Variants in SOCS5 observed in about 807,000 individuals in gnomAD.
SOCS5 encodes CIS-6.
A neutral mutation model predicts 42.8 loss-of-function variants in SOCS5; 32 were observed. The observed-to-expected ratio is 0.75, with a 90% confidence interval of 0.56 to 1.01. The LOEUF (loss-of-function observed/expected upper bound fraction) is 1.01, where lower values mean the gene tolerates loss of function less well. Among genes scored for constraint, SOCS5 ranks in the 50% least tolerant of loss-of-function variants. The pLI is 0.00. For synonymous variants in SOCS5, 283 were observed against 229.6 expected (o/e 1.23, Z -2.10); for missense variants, 627 against 653.0 (o/e 0.96, Z 0.43).
intron 1 of SOCS5, among the ~76,000 whole-genome samples, chr2:46,737,098 C>T (rs780494422): frequency 2.0e-5 from 3 of 152,120 alleles, no homozygotes; most frequent in Admixed American, 1.3e-4. Context: ...TAATTTATCA[C>T]CTCTCCCAAT....
At chr2:46,721,625 T>G (rs1482885826) in intron 1 of SOCS5, among the ~76,000 whole-genome samples, 3 of 152,186 alleles carry the variant, frequency 2.0e-5, no homozygotes, top group Non-Finnish European at 2.9e-5. Context: ...AAGAGTGAGA[T>G]AGGTCACTTA....
intron 1 of SOCS5, among the ~76,000 whole-genome samples, chr2:46,743,900 A>G (rs1483456898): frequency 6.6e-6 from 1 of 152,154 alleles, no homozygotes; most frequent in Non-Finnish European, 1.5e-5. Flanking sequence ...GAAGCATATC[A>G]GTTTTTTAAA....
At chr2:46,728,286 G>A (rs2103722981) in intron 1 of SOCS5, among the ~76,000 whole-genome samples, 1 of 152,140 alleles carries the variant, frequency 6.6e-6, no homozygotes, top group East Asian at 1.9e-4. Flanking sequence ...AGCATTCTGG[G>A]GTTTTATAGC....
At chr2:46,749,784 A>G (rs1045795405) in intron 1 of SOCS5, among the ~76,000 whole-genome samples, 12 of 152,172 alleles carry the variant, frequency 7.9e-5, no homozygotes, top group Non-Finnish European at 1.6e-4. Flanking sequence ...TGAAATGTCC[A>G]TAGTGTTTCT....
In SOCS5 at chr2:46,758,770, A is replaced by G; in HGVS notation, c.240A>G (p.Gln80=). ...SPSKNSSRRN[Q]NCATEIPQIV... is the part of the protein sequence containing the mutation. The stretch of plus-strand genomic sequence containing the variant: ...CGAAGAATTCTTCAAGGAGAAATCA[A>G]AATTGTGCCACAGAAATCCCTCAAA... The change falls in exon 2 of 2, where the codon CAA becomes CAG. Residue 80 remains glutamine, a synonymous_variant. Transcript: ENST00000394861. 1 of 1,614,240 alleles carries G rather than the reference A, an allele frequency of 6.2e-7. No individual in the cohort carries two copies. The highest frequency in any genetic ancestry group is 8.5e-7 in the Non-Finnish European group (1 of 1,180,040).
intron 1 of SOCS5, among the ~76,000 whole-genome samples, chr2:46,749,662 G>A (rs1357937322): frequency 6.6e-6 from 1 of 152,120 alleles, no homozygotes; most frequent in African/African-American, 2.4e-5. Flanking sequence ...AAAAGAATCA[G>A]AAGCCCCTCC....
At chr2:46,730,150 A>C (rs1572838374) in intron 1 of SOCS5, among the ~76,000 whole-genome samples, 1 of 152,326 alleles carries the variant, frequency 6.6e-6, no homozygotes, top group East Asian at 1.9e-4. Flanking sequence ...ACATGACTGT[A>C]TATGTAAAGA....
chr2:46,742,959 T>C (rs898506675), intron 1 of SOCS5, among the ~76,000 whole-genome samples: 1 of 152,118 alleles, frequency 6.6e-6, no homozygotes, highest in Non-Finnish European at 1.5e-5. Context: ...GTTCCACGCC[T>C]GGCCTGTTTA....
chr2:46,723,624 C>A (rs1163944247), intron 1 of SOCS5, among the ~76,000 whole-genome samples: 1 of 152,008 alleles, frequency 6.6e-6, no homozygotes, highest in East Asian at 1.9e-4. Context: ...CAGCTCTATT[C>A]TGTTTCGTGT....
chr2:46,737,140 A>G (rs1207557922), intron 1 of SOCS5, among the ~76,000 whole-genome samples: 2 of 152,252 alleles, frequency 1.3e-5, no homozygotes, highest in Non-Finnish European at 2.9e-5. Flanking sequence ...TAAGAAAGTT[A>G]TGAAGAACAT....
intron 1 of SOCS5, among the ~76,000 whole-genome samples, chr2:46,722,606 G>T (rs1354345315): frequency 6.6e-6 from 1 of 152,228 alleles, no homozygotes; most frequent in African/African-American, 2.4e-5. Flanking sequence ...GTTATTTCCA[G>T]TTTGGAGCAA....
chr2:46,702,822 A>C (rs545586530), intron 1 of SOCS5, among the ~76,000 whole-genome samples: 3 of 152,212 alleles, frequency 2.0e-5, no homozygotes, highest in Non-Finnish European at 4.4e-5. Context: ...GTTATAAGTT[A>C]TCTCAGAATC....
chr2:46,722,308 T>A (rs927910008), intron 1 of SOCS5, among the ~76,000 whole-genome samples: 3 of 131,200 alleles, frequency 2.3e-5, no homozygotes, highest in Non-Finnish European at 4.7e-5. Context: ...TTAAGACATT[T>A]TGTATACATT....
At chr2:46,729,117 A>G (rs191828908) in intron 1 of SOCS5, among the ~76,000 whole-genome samples, 2 of 152,360 alleles carry the variant, frequency 1.3e-5, no homozygotes, top group Admixed American at 6.5e-5. Flanking sequence ...CACAAGCACT[A>G]TGTGTGGTTT....
At chr2:46,711,847 C>T (rs973509080) in intron 1 of SOCS5, among the ~76,000 whole-genome samples, 1 of 152,194 alleles carries the variant, frequency 6.6e-6, no homozygotes, top group African/African-American at 2.4e-5. Context: ...GTATACTTCC[C>T]TTTCCGCATT....
At chr2:46,748,472 C>T (rs2103751997) in intron 1 of SOCS5, among the ~76,000 whole-genome samples, 1 of 152,246 alleles carries the variant, frequency 6.6e-6, no homozygotes. Context: ...TAAGCATGAG[C>T]CACTGTGTCT....
intron 1 of SOCS5, among the ~76,000 whole-genome samples, chr2:46,716,319 T>C (rs1023575166): frequency 4.0e-5 from 6 of 151,288 alleles, no homozygotes; most frequent in African/African-American, 1.5e-4. Flanking sequence ...TATTTATTTT[T>C]CATAGGCCTG....
chr2:46,716,070 G>C (rs1472991253), intron 1 of SOCS5, among the ~76,000 whole-genome samples: 4 of 145,398 alleles, frequency 2.8e-5, no homozygotes, highest in African/African-American at 1.0e-4. Context: ...CTAATTTGCT[G>C]TTATGCCTGT....
chr2:46,748,651 T>G (rs906003023), intron 1 of SOCS5, among the ~76,000 whole-genome samples: 1 of 152,208 alleles, frequency 6.6e-6, no homozygotes, highest in African/African-American at 2.4e-5. Flanking sequence ...GAGACAGTAG[T>G]ATCTTTTAAG....
Sources: gnomAD v4.1 joint callset for allele counts (sites outside exome capture counted in the v4.1 genomes callset) on GRCh38, gnomAD v4.1.1 for gene constraint, MANE v1.5 for transcripts, NCBI Gene and HGNC (gene_info 2026-07-23, HGNC 2026-07-21) for gene names.